The following FAM222A variants were observed in gnomAD, a reference collection of about 807,000 sequenced individuals.
FAM222A encodes the protein protein FAM222A.
In FAM222A, 7 loss-of-function variants were observed where a neutral mutation model predicts 25.8. The ratio of observed to expected loss-of-function variants is 0.27; its 90% CI spans 0.15 to 0.51. FAM222A has a LOEUF of 0.51. FAM222A is among the 20% of genes least tolerant of loss of function. The pLI, the probability that FAM222A is intolerant of heterozygous loss-of-function variation, is 0.97. For synonymous variants in FAM222A, 294 were observed against 298.8 expected (o/e 0.98, Z 0.17); for missense variants, 573 against 640.5 (o/e 0.89, Z 1.14).
chr12:109,741,443 C>G (rs1888237504), intron 1 of FAM222A, among the ~76,000 whole-genome samples: 1 of 152,206 alleles, frequency 6.6e-6, no homozygotes, highest in Non-Finnish European at 1.5e-5. Flanking sequence ...AACTGCCTGG[C>G]ATCCACCATA....
chr12:109,761,893 G>A (rs1699689942), intron 2 of FAM222A, among the ~76,000 whole-genome samples: 2 of 152,202 alleles, frequency 1.3e-5, no homozygotes, highest in South Asian at 4.2e-4. Flanking sequence ...CAGTGGCCCT[G>A]AAGCCTGCCG....
intron 2 of FAM222A, among the ~76,000 whole-genome samples, chr12:109,767,230 A>C (rs761752595): frequency 2.0e-5 from 3 of 152,014 alleles, no homozygotes; most frequent in Admixed American, 6.6e-5. Flanking sequence ...AAATGCCATC[A>C]AGAATAGAAA....
chr12:109,763,846 C>A (rs1237479451), intron 2 of FAM222A, among the ~76,000 whole-genome samples: 2 of 152,278 alleles, frequency 1.3e-5, no homozygotes, highest in East Asian at 3.9e-4. Flanking sequence ...AATGTCCTAA[C>A]TTGTCTGTTT....
chr12:109,718,611 C>G (rs903965974), intron 1 of FAM222A, among the ~76,000 whole-genome samples: 1 of 152,218 alleles, frequency 6.6e-6, no homozygotes, highest in African/African-American at 2.4e-5. Context: ...TTGTGTTAAC[C>G]CATTTGCGTG....
chr12:109,746,802 T>C lies in FAM222A; in HGVS notation c.82+2574T>C, dbSNP rs1469187402. 2.6e-5 allele frequency among the ~76,000 whole-genome samples: 4 copies of C among 152,246 alleles called. No individual in the cohort carries two copies. The East Asian group carries it at 7.7e-4, about 29-fold the overall frequency. ...ACCTCATCTCTCCTCACCAACCTCC[T>C]CCCCTTTCTCTACAATTTCCCTATT... is the stretch of plus-strand genomic sequence containing the variant. On this transcript the variant is annotated intron_variant, in intron 2 of 2. Transcript: ENST00000538780.
At chr12:109,719,534 G>A (rs1339820539) in intron 1 of FAM222A, among the ~76,000 whole-genome samples, 1 of 152,228 alleles carries the variant, frequency 6.6e-6, no homozygotes, top group Admixed American at 6.5e-5. Flanking sequence ...TGAGTCTGCA[G>A]TTAACTGGAA....
intron 1 of FAM222A, among the ~76,000 whole-genome samples, chr12:109,740,067 C>T (rs148134465): frequency 2.6e-4 from 40 of 152,362 alleles, no homozygotes; most frequent in African/African-American, 9.4e-4. Context: ...CCCAAGCCCC[C>T]AAATCCCTGT....
intron 2 of FAM222A, among the ~76,000 whole-genome samples, chr12:109,751,225 T>A (rs1888551298): frequency 6.6e-6 from 1 of 152,148 alleles, no homozygotes; most frequent in South Asian, 2.1e-4. Context: ...GATTTTTTTT[T>A]CTTCTGCTCT....
chr12:109,764,165 G>A (rs1888974176), intron 2 of FAM222A, among the ~76,000 whole-genome samples: 1 of 143,420 alleles, frequency 7.0e-6, no homozygotes, highest in Non-Finnish European at 1.5e-5. Context: ...GGGAGGTTGA[G>A]GCTGCAGTGA....
chr12:109,745,445 C>CT (rs1396636083), intron 2 of FAM222A, among the ~76,000 whole-genome samples: 1 of 152,220 alleles, frequency 6.6e-6, no homozygotes. Context: ...GTGGATAAAA[C>CT]TGCAGGGTAC....
At chr12:109,749,867 G>A (rs1888512102) in intron 2 of FAM222A, among the ~76,000 whole-genome samples, 1 of 152,194 alleles carries the variant, frequency 6.6e-6, no homozygotes, top group Admixed American at 6.5e-5. Flanking sequence ...CTGTTAAAAT[G>A]GTAATCGCTG....
intron 2 of FAM222A, among the ~76,000 whole-genome samples, chr12:109,747,445 C>A (rs749842439): frequency 6.6e-6 from 1 of 152,192 alleles, no homozygotes; most frequent in African/African-American, 2.4e-5. Context: ...TGTTCTCCCC[C>A]TCTACCCAAA....
chr12:109,718,336 C>G (rs111948367), intron 1 of FAM222A, among the ~76,000 whole-genome samples: 7,278 of 140,780 alleles, frequency 0.052, 352 homozygotes, highest in East Asian at 0.14. Flanking sequence ...ACCGGTGGCT[C>G]TTTTCTGAGC....
intron 1 of FAM222A, among the ~76,000 whole-genome samples, chr12:109,731,967 C>A (rs1887957043): frequency 6.6e-6 from 1 of 152,200 alleles, no homozygotes; most frequent in Non-Finnish European, 1.5e-5. Context: ...GTTTGTGAGG[C>A]CTGAGGCCCA....
At chr12:109,716,908 C>T (rs1171436604) in intron 1 of FAM222A, among the ~76,000 whole-genome samples, 6 of 152,246 alleles carry the variant, frequency 3.9e-5, no homozygotes, top group Non-Finnish European at 7.3e-5. Context: ...TGGAGTGGCT[C>T]ATACGCTGTG....
At chr12:109,725,110 C>T (rs1403484839) in intron 1 of FAM222A, among the ~76,000 whole-genome samples, 5 of 152,158 alleles carry the variant, frequency 3.3e-5, no homozygotes, top group African/African-American at 1.2e-4. Context: ...TGAGCAACTC[C>T]AGCTGGCCAA....
In FAM222A at chr12:109,744,235, A is replaced by G; in HGVS notation, c.82+7A>G. On this transcript the variant is annotated splice_region_variant and intron_variant, in intron 2 of 2. Transcript: ENST00000538780. ...AGCCTGGAGCTGCGCAAGTGTGAGT[A>G]GGACGCCTCCCCAGCCTTTGCAGGG... is the stretch of plus-strand genomic sequence containing the variant. 3.1e-6 allele frequency: 5 copies of G among 1,611,886 alleles called. No homozygotes were observed. Among genetic ancestry groups the G allele is most frequent in the South Asian group, 1.1e-5 (1 of 90,876 alleles).
chr12:109,738,555 G>C (rs549447844), intron 1 of FAM222A, among the ~76,000 whole-genome samples: 33 of 152,322 alleles, frequency 2.2e-4, no homozygotes, highest in African/African-American at 7.9e-4. Context: ...GGAAGGCTGC[G>C]AGGCCCTGAG....
chr12:109,739,891 G>A (rs1888191017), intron 1 of FAM222A, among the ~76,000 whole-genome samples: 1 of 152,208 alleles, frequency 6.6e-6, no homozygotes, highest in Non-Finnish European at 1.5e-5. Flanking sequence ...CCACGAGGAG[G>A]AGGCGCATGG....
Sources: allele counts gnomAD v4.1 joint callset (sites outside exome capture counted in the v4.1 genomes callset), GRCh38; gene constraint gnomAD v4.1.1; transcripts MANE v1.5; gene names NCBI Gene and HGNC (gene_info 2026-07-23, HGNC 2026-07-21).